SATL1: variants seen among roughly 807,000 people sequenced by gnomAD.
SATL1 encodes the protein spermidine/spermine N1-acetyl transferase like 1.
SATL1 carries 47 observed loss-of-function variants against 51.8 expected under a neutral mutation model. The ratio of observed to expected loss-of-function variants is 0.91; its 90% CI spans 0.72 to 1.16. The LOEUF is 1.16. Ranked by LOEUF, SATL1 falls within the 50% of genes most tolerant of loss-of-function variation. The pLI is 0.00. For synonymous variants in SATL1, 176 were observed against 182.4 expected, an observed-to-expected ratio of 0.97 and a Z score of 0.28; for missense variants, 520 against 526.4, an observed-to-expected ratio of 0.99 and a Z score of 0.12.
intron 4 of SATL1, among the ~76,000 whole-genome samples, chrX:85,097,688 C>T (rs745716522): frequency 1.8e-5 from 2 of 111,857 alleles, no homozygotes; most frequent in African/African-American, 3.3e-5. Context: ...TAATCCCTGA[C>T]ATCAATAACA....
chrX:85,105,268 T>G (rs1925011138), intron 3 of SATL1, among the ~76,000 whole-genome samples: 1 of 111,013 alleles, frequency 9.0e-6, no homozygotes, highest in South Asian at 3.8e-4. Context: ...GCATTTTGGC[T>G]GCTGTGTAGA....
intron 1 of SATL1, among the ~76,000 whole-genome samples, chrX:85,226,704 C>T (rs1171981633): frequency 2.7e-5 from 3 of 110,621 alleles, no homozygotes; most frequent in African/African-American, 9.9e-5. Context: ...GTTCTCATTT[C>T]CTTGATCTCC....
chrX:85,092,803 G>T, intron 7 of SATL1: 1 of 343,943 alleles, frequency 2.9e-6, no homozygotes, highest in Non-Finnish European at 5.0e-6. Context: ...ATACAGAAAA[G>T]GTGTACCTAA....
intron 2 of SATL1, among the ~76,000 whole-genome samples, chrX:85,173,735 T>C (rs1018113779): frequency 9.4e-6 from 1 of 106,304 alleles, no homozygotes; most frequent in African/African-American, 3.3e-5. Context: ...ATATGTCCTA[T>C]GTTTTCACAA....
At chrX:85,198,139 CTG>C (rs756078782) in intron 2 of SATL1, among the ~76,000 whole-genome samples, 94 of 111,545 alleles carry the variant, frequency 8.4e-4, no homozygotes, top group African/African-American at 2.8e-3. Context: ...CCGGTTTCGT[CTG>C]TGTTTTTGTG....
intron 1 of SATL1, among the ~76,000 whole-genome samples, chrX:85,238,895 A>C (rs1017159701): frequency 2.6e-4 from 29 of 111,012 alleles, no homozygotes; most frequent in African/African-American, 8.8e-4. Flanking sequence ...AAAATTGTCA[A>C]ACTCATAGAA....
At chrX:85,155,169 A>G (rs948165824) in intron 2 of SATL1, among the ~76,000 whole-genome samples, 1 of 111,706 alleles carries the variant, frequency 9.0e-6, no homozygotes, top group Non-Finnish European at 1.9e-5. Flanking sequence ...CTAAACATTA[A>G]TTTTTAAAAA....
intron 2 of SATL1, among the ~76,000 whole-genome samples, chrX:85,137,996 T>C (rs1231453409): frequency 8.9e-6 from 1 of 112,009 alleles, no homozygotes; most frequent in Non-Finnish European, 1.9e-5. Flanking sequence ...TAGCATTTCA[T>C]TTTGATTCTT....
intron 2 of SATL1, among the ~76,000 whole-genome samples, chrX:85,195,971 G>A (rs1046292349): frequency 9.1e-6 from 1 of 109,909 alleles, no homozygotes; most frequent in Non-Finnish European, 1.9e-5. Flanking sequence ...AGGCTGGGGG[G>A]AAATCCCAAG....
intron 3 of SATL1, among the ~76,000 whole-genome samples, chrX:85,106,114 C>G (rs972922808): frequency 1.8e-5 from 2 of 111,513 alleles, no homozygotes; most frequent in African/African-American, 3.3e-5. Flanking sequence ...TATTAATTGC[C>G]GACCGAGTGT....
intron 2 of SATL1, among the ~76,000 whole-genome samples, chrX:85,183,758 T>C (rs186201167): frequency 4.1e-4 from 46 of 111,723 alleles, no homozygotes; most frequent in African/African-American, 1.3e-3. Context: ...AGGTTATCCA[T>C]CACCTCAATT....
At chrX:85,198,303 C>T (rs1037105711) in intron 2 of SATL1, among the ~76,000 whole-genome samples, 5 of 111,648 alleles carry the variant, frequency 4.5e-5, no homozygotes, top group Non-Finnish European at 7.5e-5. Flanking sequence ...AGAATGCAGA[C>T]GACTCTTGGA....
intron 2 of SATL1, chrX:85,212,897 A>G (rs1171826475): frequency 1.8e-5 from 2 of 111,610 alleles, no homozygotes; most frequent in Non-Finnish European, 3.8e-5. Context: ...ATAAATACTA[A>G]GACCTCACTA....
At chrX:85,209,058 A>T (rs1245750163) in intron 2 of SATL1, 2 of 111,990 alleles carry the variant, frequency 1.8e-5, no homozygotes, top group African/African-American at 6.5e-5. Flanking sequence ...TCTTGAATTA[A>T]TTTTTGTATA....
chrX:85,179,920 AACAC>A (rs1041635285), intron 2 of SATL1, among the ~76,000 whole-genome samples: 5 of 109,356 alleles, frequency 4.6e-5, no homozygotes, highest in African/African-American at 1.7e-4. Context: ...TTAAAAAAAA[AACAC>A]ACACACACAA....
intron 2 of SATL1, among the ~76,000 whole-genome samples, chrX:85,221,276 T>C (rs73234647): frequency 0.11 from 12,117 of 111,490 alleles, 566 homozygotes; most frequent in South Asian, 0.17. Flanking sequence ...TGTGTGATAT[T>C]CATAAGAATA....
intron 2 of SATL1, among the ~76,000 whole-genome samples, chrX:85,164,071 A>T (rs975843402): frequency 8.9e-6 from 1 of 111,797 alleles, no homozygotes; most frequent in South Asian, 3.7e-4. Flanking sequence ...TGATATAAGA[A>T]TCCTGTTTGC....
At chrX:85,180,023 A>C (rs1490239126) in intron 2 of SATL1, among the ~76,000 whole-genome samples, 1 of 110,977 alleles carries the variant, frequency 9.0e-6, no homozygotes, top group African/African-American at 3.3e-5. Flanking sequence ...CAATATCCTC[A>C]AAACTCATTT....
intron 2 of SATL1, among the ~76,000 whole-genome samples, chrX:85,218,584 A>G (rs1928103580): frequency 8.9e-6 from 1 of 112,123 alleles, no homozygotes; most frequent in South Asian, 3.7e-4. Context: ...ACAATTAGTC[A>G]TGTATTTTAA....
Sources: allele counts gnomAD v4.1 joint callset (sites outside exome capture counted in the v4.1 genomes callset), GRCh38; gene constraint gnomAD v4.1.1; transcripts MANE v1.5; gene names NCBI Gene and HGNC (gene_info 2026-07-23, HGNC 2026-07-21).